Variants in C12orf50 observed in about 807,000 individuals in gnomAD.
The protein encoded by C12orf50 is uncharacterized protein C12orf50.
In C12orf50, 35 loss-of-function variants were observed where a neutral mutation model predicts 61.6. The ratio of observed to expected loss-of-function variants is 0.57; its 90% CI spans 0.43 to 0.75. The LOEUF (loss-of-function observed/expected upper bound fraction) is 0.75, where lower values mean the gene tolerates loss of function less well. Among genes scored for constraint, C12orf50 ranks in the 30% least tolerant of loss-of-function variants. The probability of loss-of-function intolerance (pLI) is 0.00; values close to 1 mark genes in which losing one functional copy is unlikely to be tolerated. For missense variants in C12orf50, 475 were observed against 488.5 expected, an observed-to-expected ratio of 0.97 and a Z score of 0.26; for synonymous variants, 178 against 161.5, an observed-to-expected ratio of 1.10 and a Z score of -0.77.
chr12:87,994,736 A>G lies in C12orf50; in HGVS notation c.489T>C (p.Ser163=), dbSNP rs769181196. Residue 163 remains serine (S), a synonymous_variant, in exon 7 of 13, where the codon AGT becomes AGC. Transcript: ENST00000298699. The part of the protein sequence containing the change: ...ENGSELQEGD[S]LTVPTKLSQY... ...GGCTAAGTTTTGTCGGAACTGTAAG[A>G]CTATCTCCTAGAAATAAGAAGAAAA... 2.5e-6 allele frequency: 4 copies of G among 1,604,072 alleles called. No individual in the cohort carries two copies. The highest frequency in any genetic ancestry group is 2.6e-6 in the Non-Finnish European group (3 of 1,172,250).
At chr12:88,022,821 G>A (rs4415847) in intron 3 of C12orf50, among the ~76,000 whole-genome samples, 1 of 152,048 alleles carries the variant, frequency 6.6e-6, no homozygotes, top group Non-Finnish European at 1.5e-5. Flanking sequence ...TCTTTACAAT[G>A]AGAATTACAA....
chr12:87,997,926 G>T, intron 4 of C12orf50, 109 bp downstream of exon 4: 1 of 750,282 alleles, frequency 1.3e-6, no homozygotes, highest in Non-Finnish European at 2.0e-6. Flanking sequence ...TATTTTCTCA[G>T]CAAAATCTGC....
intron 3 of C12orf50, among the ~76,000 whole-genome samples, chr12:88,008,413 G>T (rs558429401): frequency 1.3e-5 from 2 of 152,168 alleles, no homozygotes; most frequent in East Asian, 3.9e-4. Context: ...TTTTATGGCT[G>T]CATGGTATTC....
At chr12:88,006,486 C>T (rs2031890169) in intron 3 of C12orf50, among the ~76,000 whole-genome samples, 1 of 152,196 alleles carries the variant, frequency 6.6e-6, no homozygotes, top group Non-Finnish European at 1.5e-5. Context: ...CAAGGACAGT[C>T]ACTTAATTCT....
chr12:88,024,781 G>GA (rs1167153849), intron 3 of C12orf50, among the ~76,000 whole-genome samples: 3 of 151,510 alleles, frequency 2.0e-5, no homozygotes, highest in African/African-American at 4.8e-5. Context: ...AAAAGTTAAA[G>GA]AAAAAAAAGA....
intron 1 of C12orf50, among the ~76,000 whole-genome samples, chr12:88,027,387 T>A (rs1027688510): frequency 1.3e-5 from 2 of 152,168 alleles, no homozygotes; most frequent in Non-Finnish European, 2.9e-5. Context: ...TTGATCACAA[T>A]TCAATGACAG....
chr12:87,993,671 T>C (rs1008515518), intron 7 of C12orf50, among the ~76,000 whole-genome samples: 2 of 152,154 alleles, frequency 1.3e-5, no homozygotes, highest in African/African-American at 4.8e-5. Flanking sequence ...TACTTACTGA[T>C]ACCTGCTCTC....
chr12:88,007,205 A>G (rs1435105977), intron 3 of C12orf50, among the ~76,000 whole-genome samples: 7 of 152,204 alleles, frequency 4.6e-5, no homozygotes, highest in Non-Finnish European at 1.0e-4. Flanking sequence ...ACAATTTTCA[A>G]ATAAAATCTT....
At chr12:88,027,328 T>C (rs2032746906) in intron 1 of C12orf50, among the ~76,000 whole-genome samples, 1 of 152,204 alleles carries the variant, frequency 6.6e-6, no homozygotes, top group Non-Finnish European at 1.5e-5. Flanking sequence ...TGTTATTCGT[T>C]AATCCATATG....
intron 6 of C12orf50, among the ~76,000 whole-genome samples, 194 bp from the exon 7 acceptor site, chr12:87,994,937 A>G (rs1218088075): frequency 6.6e-6 from 1 of 152,228 alleles, no homozygotes; most frequent in African/African-American, 2.4e-5. Flanking sequence ...GTAAGCAAGT[A>G]TATTCTCCTA....
At chr12:88,007,036 C>T (rs894594552) in intron 3 of C12orf50, among the ~76,000 whole-genome samples, 6 of 152,228 alleles carry the variant, frequency 3.9e-5, no homozygotes, top group Middle Eastern at 3.4e-3. Flanking sequence ...TTTCATCAAC[C>T]ATTGAAATCA....
intron 3 of C12orf50, among the ~76,000 whole-genome samples, chr12:88,001,660 A>G (rs2031659603): frequency 6.6e-6 from 1 of 151,346 alleles, no homozygotes; most frequent in African/African-American, 2.4e-5. Flanking sequence ...TACCCAATCA[A>G]TCTCTTTATT....
rs2031298612 is a variant in C12orf50 at position 87,994,654 on chromosome 12, T to C, written c.571A>G (p.Ile191Val). 2 of 1,611,466 alleles carry C rather than the reference T, an allele frequency of 1.2e-6. No homozygotes were observed. The highest frequency in any genetic ancestry group is 1.7e-5 in the Admixed American group (1 of 59,966). ...TSLHGKPKTD[I>V]AAFENGGGDC... ...TCACCTCCATTTTCAAAAGCAGCAA[T>C]GTCAGTCTTTGGTTTCCCATGCAAT... The change falls in exon 7 of 13, where the codon ATT becomes GTT. Residue 191 changes from isoleucine (I) to valine (V), a missense_variant. Coordinates refer to ENST00000298699, the MANE Select transcript of C12orf50 (RefSeq NM_152589.3).
chr12:87,983,047 A>G, intron 12 of C12orf50, 56 bp downstream of exon 12: 3 of 1,086,772 alleles, frequency 2.8e-6, no homozygotes, highest in Non-Finnish European at 4.0e-6. Context: ...TTGCACTTGA[A>G]AACTTATTCA....
At chr12:87,994,000 G>C (rs1258037771) in intron 7 of C12orf50, among the ~76,000 whole-genome samples, 4 of 151,970 alleles carry the variant, frequency 2.6e-5, no homozygotes, top group Non-Finnish European at 5.9e-5. Flanking sequence ...AGGAGTTTGA[G>C]GCCAGCCTGA....
Position 87,998,038 on chromosome 12 carries a change from T to C in C12orf50, c.286A>G (p.Asn96Asp), listed in dbSNP as rs1386095608. 2.5e-6 allele frequency: 4 copies of C among 1,607,594 alleles called. No individual in the cohort carries two copies. Among genetic ancestry groups the C allele is most frequent in the Non-Finnish European group, 3.4e-6 (4 of 1,177,062 alleles). The change falls in exon 4 of 13, where the codon AAT (asparagine) becomes GAT (aspartate). Residue 96 changes from asparagine to aspartate, a missense_variant. Transcript: ENST00000298699. ...ACCTGAAAAAAGTTCTACTAACCATTTTGTTCATCTACTTCCTCTTCTTCC... is the reference window on the plus strand; with the variant it reads ...ACCTGAAAAAAGTTCTACTAACCATCTTGTTCATCTACTTCCTCTTCTTCC... ...FEEEEEVDEQNDASSLWTKTP... is the reference protein window; with the variant it reads ...FEEEEEVDEQDDASSLWTKTP...
intron 1 of C12orf50, among the ~76,000 whole-genome samples, chr12:88,028,499 T>C (rs529886243): frequency 1.3e-5 from 2 of 152,208 alleles, no homozygotes; most frequent in Non-Finnish European, 2.9e-5. Flanking sequence ...GTTTTTCCCA[T>C]TTAACTTTAT....
intron 3 of C12orf50, among the ~76,000 whole-genome samples, chr12:88,016,461 C>A (rs947095375): frequency 4.6e-5 from 7 of 152,144 alleles, no homozygotes; most frequent in Admixed American, 1.3e-4. Flanking sequence ...AATATTAGGT[C>A]TGCCAGGAAT....
intron 3 of C12orf50, among the ~76,000 whole-genome samples, chr12:88,007,290 A>G (rs2031922011): frequency 6.6e-6 from 1 of 152,208 alleles, no homozygotes; most frequent in South Asian, 2.1e-4. Context: ...ATCTTATTTA[A>G]GTTTATAAAA....
Sources: gnomAD v4.1 joint callset for allele counts (sites outside exome capture counted in the v4.1 genomes callset) on GRCh38, gnomAD v4.1.1 for gene constraint, MANE v1.5 for transcripts, NCBI Gene and HGNC (gene_info 2026-07-23, HGNC 2026-07-21) for gene names.